CDK15: variants seen among roughly 807,000 people sequenced by gnomAD.
CDK15 encodes the protein cyclin-dependent kinase 15.
CDK15 carries 62 observed loss-of-function variants against 60.3 expected under a neutral mutation model. The observed-to-expected ratio is 1.03, with a 90% CI of 0.84 to 1.27. The LOEUF (loss-of-function observed/expected upper bound fraction) is 1.27, where lower values mean the gene tolerates loss of function less well. Ranked by LOEUF, CDK15 falls within the 50% of genes most tolerant of loss-of-function variation. CDK15 has a pLI of 0.00. For missense variants in CDK15, 541 were observed against 527.8 expected (o/e 1.03, Z -0.25); for synonymous variants, 194 against 195.7 (o/e 0.99, Z 0.07).
intron 2 of CDK15, 56 bp from the exon 3 acceptor site, chr2:201,807,802 A>AT: frequency 6.4e-7 from 1 of 1,564,648 alleles, no homozygotes; most frequent in Non-Finnish European, 8.7e-7. Flanking sequence ...ACTAAAAAAA[A>AT]GTGTTCTTTC....
intron 6 of CDK15, among the ~76,000 whole-genome samples, chr2:201,831,787 C>G (rs1325153100): frequency 6.6e-6 from 1 of 152,130 alleles, no homozygotes; most frequent in Non-Finnish European, 1.5e-5. Flanking sequence ...CTGGCTCTCT[C>G]CTTCCCTGTC....
intron 4 of CDK15, among the ~76,000 whole-genome samples, chr2:201,816,678 G>A (rs894087872): frequency 6.6e-6 from 1 of 152,002 alleles, no homozygotes; most frequent in South Asian, 2.1e-4. Flanking sequence ...GGGTCAAATG[G>A]TAATTCTGTT....
intron 10 of CDK15, chr2:201,860,788 C>T (rs755603505): frequency 1.5e-6 from 2 of 1,352,158 alleles, no homozygotes; most frequent in South Asian, 1.1e-5. Flanking sequence ...CGGACAGCAT[C>T]GTACTGCAGC....
chr2:201,813,578 T>A (rs1695866099), intron 4 of CDK15, among the ~76,000 whole-genome samples: 1 of 152,188 alleles, frequency 6.6e-6, no homozygotes, highest in Non-Finnish European at 1.5e-5. Context: ...ACCCATGTCT[T>A]TGTTCTATCA....
At chr2:201,892,294 A>G (rs1348675838) in intron 13 of CDK15, among the ~76,000 whole-genome samples, 1 of 152,216 alleles carries the variant, frequency 6.6e-6, no homozygotes, top group Non-Finnish European at 1.5e-5. Flanking sequence ...CTTTAGCTGC[A>G]TTCTGTGAAG....
At position 201,871,456 on chromosome 2, in the gene CDK15, C is replaced by CTT. The variant is rs78277223; in HGVS notation, c.1010-809_1010-808dup. On this transcript the variant is annotated intron_variant, in intron 10 of 13. Coordinates refer to ENST00000652192, the MANE Select transcript of CDK15 (RefSeq NM_001366386.2). ...GAGCCACCACGCCTGGCTCCCCTGACTTTTTTTTTTTTTTAACCACTTTTG... is the reference window on the plus strand; with the variant it reads ...GAGCCACCACGCCTGGCTCCCCTGACTTTTTTTTTTTTTTTTAACCACTTTTG... 2.8e-5 allele frequency among the ~76,000 whole-genome samples: 4 copies of CTT among 142,826 alleles called. No individual in the cohort carries two copies. In the East Asian group the frequency reaches 6.1e-4, roughly 22 times the overall value. 93.7% of individuals were successfully genotyped at this position (142,826 alleles called of 152,430 possible). A position where few individuals can be genotyped will look rare whatever the true frequency, so the allele number is the denominator to read the frequency against.
chr2:201,825,766 A>C (rs1696457996), intron 6 of CDK15, among the ~76,000 whole-genome samples: 1 of 152,174 alleles, frequency 6.6e-6, no homozygotes, highest in Non-Finnish European at 1.5e-5. Flanking sequence ...TAGGCAAGAG[A>C]GTTGAAGAGA....
chr2:201,859,256 T>C (rs1191416631), intron 10 of CDK15, among the ~76,000 whole-genome samples: 1 of 152,174 alleles, frequency 6.6e-6, no homozygotes, highest in East Asian at 1.9e-4. Flanking sequence ...GCGCTGAAGA[T>C]CCCAGAAACT....
chr2:201,846,121 C>A (rs1377015052), intron 8 of CDK15, among the ~76,000 whole-genome samples: 1 of 151,996 alleles, frequency 6.6e-6, no homozygotes, highest in Non-Finnish European at 1.5e-5. Context: ...TAGCATCTAA[C>A]AATATAAGTC....
At chr2:201,892,235 T>C (rs1045646404) in intron 13 of CDK15, among the ~76,000 whole-genome samples, 6 of 152,210 alleles carry the variant, frequency 3.9e-5, no homozygotes, top group African/African-American at 1.4e-4. Flanking sequence ...AGAGCAGAGC[T>C]TTTACTGTAT....
In CDK15 at chr2:201,814,098, A is replaced by G. The variant is rs1294302831; in HGVS notation, c.448+1536A>G. 3.3e-5 allele frequency among the ~76,000 whole-genome samples: 5 copies of G among 152,350 alleles called. No individual in the cohort carries two copies. The East Asian group carries it at 9.6e-4, about 29-fold the overall frequency. ...GTGAGCTTGAGTTTGCCAATTGCTT[A>G]AGATTGGCTTTGCTTAGATATTGCC... On this transcript the variant is annotated intron_variant, in intron 4 of 13. Coordinates refer to ENST00000652192, the MANE Select transcript of CDK15 (RefSeq NM_001366386.2).
intron 8 of CDK15, among the ~76,000 whole-genome samples, chr2:201,838,836 C>CA (rs552045068): frequency 5.4e-4 from 82 of 152,286 alleles, no homozygotes; most frequent in Admixed American, 3.8e-3. Context: ...GGCCTTCTAC[C>CA]AAAATTTTTT....
chr2:201,882,707 GAC>G lies in CDK15; in HGVS notation c.1198+2542_1198+2543del, dbSNP rs1490128135. Among the ~76,000 whole-genome samples the G allele has an allele frequency of 1.3e-5, 2 of 152,094 alleles. No homozygotes were observed. The highest frequency in any genetic ancestry group is 1.3e-4 in the Admixed American group (2 of 15,266). On this transcript the variant is annotated intron_variant, in intron 12 of 13. Transcript: ENST00000652192. This position sits in a 1 kb window ranked among gnomAD's most constrained non-coding sequence, Gnocchi z 4.0. ...TGTGTGTGTGCTTGTGTATGTGTGT[GAC>G]AGGGTGGTGGGTGTGCAGAAATATG...
intron 10 of CDK15, among the ~76,000 whole-genome samples, chr2:201,860,159 G>A (rs913194966): frequency 6.6e-6 from 1 of 152,150 alleles, no homozygotes; most frequent in Non-Finnish European, 1.5e-5. Flanking sequence ...CGCTGTGTGA[G>A]CTCAAATCCT....
chr2:201,873,781 G>A lies in CDK15; in HGVS notation c.1058+1455G>A, dbSNP rs529159492. Among the ~76,000 whole-genome samples the A allele has an allele frequency of 4.1e-4, 63 of 152,302 alleles. 2 individuals are homozygous for A. The South Asian group carries it at 0.012, about 30-fold the overall frequency. On this transcript the variant is annotated intron_variant, in intron 11 of 13. Transcript: ENST00000652192. The stretch of plus-strand genomic sequence containing the variant: ...AGGAAGTAATGTCTAGGCTGGGCCC[G>A]GTGGCTTACGCCTGTAATCCCAGCA...
intron 10 of CDK15, among the ~76,000 whole-genome samples, chr2:201,855,385 G>T (rs1698100952): frequency 1.3e-5 from 2 of 152,198 alleles, no homozygotes; most frequent in South Asian, 2.1e-4. Context: ...CTGTCTGTAG[G>T]TTATACTTAC....
intron 1 of CDK15, among the ~76,000 whole-genome samples, chr2:201,807,213 A>G (rs955763520): frequency 6.6e-6 from 1 of 152,152 alleles, no homozygotes; most frequent in Non-Finnish European, 1.5e-5. Flanking sequence ...AAAAAGCCAG[A>G]CTTAAACAGA....
chr2:201,866,757 G>T (rs949065789), intron 10 of CDK15, among the ~76,000 whole-genome samples: 5 of 152,156 alleles, frequency 3.3e-5, no homozygotes, highest in Admixed American at 3.3e-4. Flanking sequence ...TTCTCTCACT[G>T]ATCACTCACA....
rs746192131 is a variant in CDK15 at position 201,854,936 on chromosome 2, A to C, written c.1008A>C (p.Pro336=). 6.2e-7 allele frequency: 1 copy of C among 1,613,818 alleles called. No homozygotes were observed. Among genetic ancestry groups the C allele is most frequent in the African/African-American group, 1.3e-5 (1 of 75,058 alleles). ...PGVSKLPNYN[P]EWFPLPTPRS... is the part of the protein sequence containing the mutation. ...TCTCCAAGCTACCTAACTACAATCC[A>C]GGTAATATTGATCTGAGCTTCTGAA... The change falls in exon 10 of 14, where the codon CCA becomes CCC. Residue 336 remains proline (P), a splice_region_variant and synonymous_variant. Coordinates refer to ENST00000652192, the MANE Select transcript of CDK15 (RefSeq NM_001366386.2).
Sources: allele counts gnomAD v4.1 joint callset (sites outside exome capture counted in the v4.1 genomes callset), GRCh38; gene constraint gnomAD v4.1.1; non-coding constraint Gnocchi (gnomAD v3.1); transcripts MANE v1.5; gene names NCBI Gene and HGNC (gene_info 2026-07-23, HGNC 2026-07-21).